BRWD1: variants seen among roughly 807,000 people sequenced by gnomAD.
BRWD1 encodes bromodomain and WD repeat-containing protein 1.
In BRWD1, 82 loss-of-function variants were observed where a neutral mutation model predicts 251.2. The observed-to-expected ratio is 0.33, with a 90% CI of 0.27 to 0.39. BRWD1 has a LOEUF of 0.39. BRWD1 is among the 10% of genes least tolerant of loss of function. The pLI, the probability that BRWD1 is intolerant of heterozygous loss-of-function variation, is 1.00. For missense variants in BRWD1, 2,233 were observed against 2,711.6 expected, an observed-to-expected ratio of 0.82 and a Z score of 3.92; for synonymous variants, 918 against 902.8, an observed-to-expected ratio of 1.02 and a Z score of -0.30.
At chr21:39,228,676 A>T in intron 26 of BRWD1, 94 bp from the exon 27 acceptor site, 1 of 623,872 alleles carries the variant, frequency 1.6e-6, no homozygotes, top group Non-Finnish European at 2.8e-6. Flanking sequence ...AGATCTACGA[A>T]TGTAATTTTT....
intron 16 of BRWD1, 42 bp downstream of exon 16, chr21:39,264,849 A>AT: frequency 6.3e-7 from 1 of 1,598,324 alleles, no homozygotes; most frequent in Non-Finnish European, 8.5e-7. Flanking sequence ...AACACAGCTG[A>AT]TAACTATTAC....
intron 4 of BRWD1, among the ~76,000 whole-genome samples, chr21:39,308,753 C>A (rs901739122): frequency 6.6e-6 from 1 of 152,098 alleles, no homozygotes; most frequent in African/African-American, 2.4e-5. Flanking sequence ...GAAAAAGGAA[C>A]AAGTTACCAT....
At chr21:39,280,093 T>G in intron 9 of BRWD1, 55 bp downstream of exon 9, 2 of 1,285,550 alleles carry the variant, frequency 1.6e-6, no homozygotes, top group Admixed American at 4.9e-5. Flanking sequence ...TTTCATTAGA[T>G]TAAACTGTAA....
At chr21:39,209,063 A>G (rs755838000) in intron 36 of BRWD1, among the ~76,000 whole-genome samples, 14 of 152,144 alleles carry the variant, frequency 9.2e-5, no homozygotes, top group Non-Finnish European at 1.8e-4. Flanking sequence ...GAACTGGCTG[A>G]AACTGGTTAA....
At chr21:39,263,504 A>G (rs1331026631) in intron 17 of BRWD1, among the ~76,000 whole-genome samples, 4 of 152,204 alleles carry the variant, frequency 2.6e-5, no homozygotes, top group Non-Finnish European at 5.9e-5. Flanking sequence ...TTATGTGAGT[A>G]ATACAACCCA....
intron 25 of BRWD1, among the ~76,000 whole-genome samples, chr21:39,231,842 T>C (rs929638103): frequency 3.3e-5 from 5 of 152,248 alleles, no homozygotes; most frequent in African/African-American, 1.2e-4. Flanking sequence ...AGTTTTTATT[T>C]CTTCTTTTGA....
rs56990201 is a variant in BRWD1, at chr21:39,304,141, CAAAAAAAAAA to C, written c.199-5569_199-5560del. ...GGGCAACCAGAGTGAAACTCTTTCT[CAAAAAAAAAA>C]AAAAAAAAAAAGAGAAATACAGAAT... On this transcript the variant is annotated intron_variant, in intron 4 of 40. Transcript: ENST00000342449. Among the ~76,000 whole-genome samples the C allele has an allele frequency of 7.6e-5, 9 of 118,410 alleles. No homozygotes were observed. The South Asian group carries it at 1.9e-3, about 25-fold the overall frequency. 77.7% of individuals were successfully genotyped at this position (118,410 alleles called of 152,430 possible). A position where few individuals can be genotyped will look rare whatever the true frequency, so the allele number is the denominator to read the frequency against.
intron 21 of BRWD1, among the ~76,000 whole-genome samples, chr21:39,241,277 C>A (rs2033982132): frequency 6.6e-6 from 1 of 151,198 alleles, no homozygotes; most frequent in Non-Finnish European, 1.5e-5. Flanking sequence ...ACCAGCATGG[C>A]CAACATGGTG....
At chr21:39,225,561 AG>A (rs2033348912) in intron 27 of BRWD1, among the ~76,000 whole-genome samples, 1 of 152,318 alleles carries the variant, frequency 6.6e-6, no homozygotes, top group African/African-American at 2.4e-5. Context: ...TCACCTATCC[AG>A]CACTGATGAT....
chr21:39,290,948 A>C (rs79990914), intron 8 of BRWD1, among the ~76,000 whole-genome samples: 433 of 152,268 alleles, frequency 2.8e-3, no homozygotes, highest in African/African-American at 0.01. Flanking sequence ...CCTGGACAAC[A>C]TGGCTAGATT....
chr21:39,193,751 C>A lies in BRWD1; in HGVS notation c.*2508G>T. 1 of 985,468 alleles carries A rather than the reference C, an allele frequency of 1.0e-6. No individual in the cohort carries two copies. The highest frequency in any genetic ancestry group is 1.2e-6 in the Non-Finnish European group (1 of 829,698). 61.0% of individuals were successfully genotyped at this position (985,468 alleles called of 1,614,324 possible). A position where few individuals can be genotyped will look rare whatever the true frequency, so the allele number is the denominator to read the frequency against. On this transcript the variant is annotated 3_prime_UTR_variant, in exon 41 of 41. Coordinates refer to ENST00000342449, the MANE Select transcript of BRWD1 (RefSeq NM_033656.4). Reference sequence around the variant, plus strand: ...CAAACTGACCCTAAACATTAAAGTACACCTGTGCATTAAATCCCTGGGCAT... The same window carrying A: ...CAAACTGACCCTAAACATTAAAGTAAACCTGTGCATTAAATCCCTGGGCAT...
At chr21:39,243,411 G>A (rs912131872) in intron 21 of BRWD1, among the ~76,000 whole-genome samples, 1 of 152,190 alleles carries the variant, frequency 6.6e-6, no homozygotes, top group Non-Finnish European at 1.5e-5. Context: ...AAGATCTGCA[G>A]ATCTGATAAT....
intron 18 of BRWD1, among the ~76,000 whole-genome samples, chr21:39,256,255 CTAAAAACTGTGCCTTCT>C (rs1437340846): frequency 6.6e-6 from 1 of 152,160 alleles, no homozygotes; most frequent in African/African-American, 2.4e-5. Flanking sequence ...ATATGCATTC[CTAAAAACTGTGCCTTCT>C]TAAAAATTGC....
chr21:39,300,352 C>T (rs928373589), intron 4 of BRWD1, among the ~76,000 whole-genome samples: 7 of 152,148 alleles, frequency 4.6e-5, no homozygotes, highest in African/African-American at 1.7e-4. Context: ...AGAGCGAACT[C>T]TGTAGCAACC....
At chr21:39,284,126 T>C (rs1238632455) in intron 8 of BRWD1, among the ~76,000 whole-genome samples, 1 of 152,232 alleles carries the variant, frequency 6.6e-6, no homozygotes, top group Non-Finnish European at 1.5e-5. Flanking sequence ...TGATCCTCTC[T>C]TTTGCTATGA....
chr21:39,212,951 C>A (rs2032726290), intron 33 of BRWD1, among the ~76,000 whole-genome samples: 1 of 151,764 alleles, frequency 6.6e-6, no homozygotes, highest in African/African-American at 2.4e-5. Context: ...TTTGAAATTA[C>A]AGCTATAAAA....
In BRWD1 at chr21:39,274,475, T is replaced by C; in HGVS notation, c.1146-3A>G. 6.2e-7 allele frequency: 1 copy of C among 1,609,736 alleles called. No homozygotes were observed. The highest frequency in any genetic ancestry group is 8.5e-7 in the Non-Finnish European group (1 of 1,176,256). Reference sequence around the variant, plus strand: ...CATCTCTGCTACCACTTAGGAACCTTAAAACATTCAGAACAGGATCTTACT... The same window carrying C: ...CATCTCTGCTACCACTTAGGAACCTCAAAACATTCAGAACAGGATCTTACT... On this transcript the variant is annotated splice_region_variant and splice_polypyrimidine_tract_variant and intron_variant, in intron 12 of 40. Transcript: ENST00000342449.
At chr21:39,290,435 G>A (rs1203611931) in intron 8 of BRWD1, among the ~76,000 whole-genome samples, 9 of 150,758 alleles carry the variant, frequency 6.0e-5, no homozygotes, top group African/African-American at 2.2e-4. Context: ...AGATTGCAGT[G>A]AGCTGAGATT....
rs147519409 is a variant in BRWD1 at position 39,286,757 on chromosome 21, G to A, written c.832-6509C>T. Among the ~76,000 whole-genome samples the A allele has an allele frequency of 1.4e-3, 209 of 151,856 alleles. 2 individuals are homozygous for A. Among genetic ancestry groups the A allele is most frequent in the African/African-American group, 4.9e-3 (203 of 41,406 alleles). On this transcript the variant is annotated intron_variant, in intron 8 of 40. Transcript: ENST00000342449. ...TCTGAAACTCCTGACCTCGTGATCC[G>A]CCCACCTCGGCCTCCCAAAGTGCTA...
Sources: allele counts gnomAD v4.1 joint callset (sites outside exome capture counted in the v4.1 genomes callset), GRCh38; gene constraint gnomAD v4.1.1; transcripts MANE v1.5; gene names NCBI Gene and HGNC (gene_info 2026-07-23, HGNC 2026-07-21).